Variants in LPP observed in about 807,000 individuals in gnomAD.
LPP encodes lipoma-preferred partner.
Under a neutral mutation model 60.4 loss-of-function variants are expected in LPP, and 38 were observed. The ratio of observed to expected loss-of-function variants is 0.63; its 90% CI spans 0.49 to 0.83. The LOEUF (loss-of-function observed/expected upper bound fraction) is 0.83. Among genes scored for constraint, LPP ranks in the 40% least tolerant of loss-of-function variants. LPP has a pLI of 0.00. For missense variants in LPP, 902 were observed against 783.6 expected (o/e 1.15, Z -1.80); for synonymous variants, 328 against 290.8 (o/e 1.13, Z -1.30).
chr3:188,343,181 A>G (rs1296183096), intron 3 of LPP, among the ~76,000 whole-genome samples: 2 of 151,884 alleles, frequency 1.3e-5, no homozygotes, highest in Non-Finnish European at 2.9e-5. Context: ...CCACCCATCA[A>G]CGGGCCCCGA....
chr3:188,281,950 A>G (rs1742233498), intron 2 of LPP, among the ~76,000 whole-genome samples: 1 of 152,176 alleles, frequency 6.6e-6, no homozygotes, highest in Non-Finnish European at 1.5e-5. Context: ...TCATTCTTAT[A>G]GGCAGAGGGA....
intron 3 of LPP, among the ~76,000 whole-genome samples, chr3:188,361,873 A>G (rs1289962797): frequency 6.6e-6 from 1 of 152,080 alleles, no homozygotes; most frequent in Non-Finnish European, 1.5e-5. Context: ...TAGCCCCTCT[A>G]GGTTTTCTTA....
chr3:188,176,298 G>GCTTT (rs1182356502), intron 1 of LPP, among the ~76,000 whole-genome samples: 1 of 151,932 alleles, frequency 6.6e-6, no homozygotes, highest in African/African-American at 2.4e-5. Context: ...GGGATTTCTT[G>GCTTT]CTTTCTTTCT....
chr3:188,440,590 TTAAG>T (rs1793537610), intron 4 of LPP, among the ~76,000 whole-genome samples: 1 of 152,146 alleles, frequency 6.6e-6, no homozygotes, highest in Admixed American at 6.5e-5. Context: ...TGACAAAACA[TTAAG>T]TAAAAATTAT....
At chr3:188,398,581 C>T (rs1781509338) in intron 3 of LPP, among the ~76,000 whole-genome samples, 1 of 152,224 alleles carries the variant, frequency 6.6e-6, no homozygotes, top group African/African-American at 2.4e-5. Context: ...ATTTTCAGCC[C>T]ATGGTAGATC....
chr3:188,872,514 T>A lies in LPP; in HGVS notation c.1590-129T>A, dbSNP rs940102503. The stretch of plus-strand genomic sequence containing the variant: ...GAAGAACCTCCACAGTCCCTGAGTC[T>A]AACTCCCTCACCTTACGGATGAGGA... On this transcript the variant is annotated intron_variant, in intron 10 of 11. Coordinates refer to ENST00000617246, the MANE Select transcript of LPP (RefSeq NM_001375462.1). 9 of 977,374 alleles carry A rather than the reference T, an allele frequency of 9.2e-6. No individual in the cohort carries two copies. In the African/African-American group the frequency reaches 1.1e-4, roughly 12 times the overall value. The allele number at this position is 977,374 out of a possible 1,614,324, so 60.5% of individuals were successfully genotyped here.
intron 9 of LPP, among the ~76,000 whole-genome samples, chr3:188,838,552 A>G (rs1449484679): frequency 6.6e-6 from 1 of 152,232 alleles, no homozygotes; most frequent in East Asian, 1.9e-4. Flanking sequence ...GCTCCATTTC[A>G]TACTCTGATT....
At chr3:188,492,712 C>T (rs1481788834) in intron 5 of LPP, among the ~76,000 whole-genome samples, 3 of 152,128 alleles carry the variant, frequency 2.0e-5, no homozygotes, top group Non-Finnish European at 2.9e-5. Context: ...AACAAACAAA[C>T]AAAAACAGTA....
chr3:188,640,719 T>A (rs1042728491), intron 7 of LPP, among the ~76,000 whole-genome samples: 2 of 146,930 alleles, frequency 1.4e-5, no homozygotes, highest in Admixed American at 6.8e-5. Context: ...TCTTTTGGAA[T>A]TTTTTTTTTT....
chr3:188,162,346 C>G lies in LPP; in HGVS notation c.-190+8094C>G, dbSNP rs552241580. Among the ~76,000 whole-genome samples, 19 of 152,330 alleles carry G rather than the reference C, an allele frequency of 1.2e-4. No individual in the cohort carries two copies. In the South Asian group the frequency reaches 1.7e-3, roughly 13 times the overall value. On this transcript the variant is annotated intron_variant, in intron 1 of 11. Coordinates refer to ENST00000617246, the MANE Select transcript of LPP (RefSeq NM_001375462.1). ...CAGAGTGAGAATCAAACCCCCCTCT[C>G]CAAAACTCCTGTCTTGTTCCTTAAC...
intron 2 of LPP, among the ~76,000 whole-genome samples, chr3:188,302,978 A>T (rs1406057726): frequency 2.0e-5 from 3 of 152,156 alleles, no homozygotes. Flanking sequence ...CTGCCAAAGG[A>T]CTTGTCTTAT....
chr3:188,296,437 A>C (rs1387286620), intron 2 of LPP, among the ~76,000 whole-genome samples: 1 of 152,186 alleles, frequency 6.6e-6, no homozygotes, highest in African/African-American at 2.4e-5. Flanking sequence ...GAGTGTGAGC[A>C]AAAGCAGAGG....
In LPP at chr3:188,160,258, G is replaced by A. The variant is rs541405921; in HGVS notation, c.-190+6006G>A. On this transcript the variant is annotated intron_variant, in intron 1 of 11. Coordinates refer to ENST00000617246, the MANE Select transcript of LPP (RefSeq NM_001375462.1). ...TGCCCAGGCTGTAGTGCAATGGCCC[G>A]ATCTCGGCTCACTGCAACCTCCGCC... 6.1e-5 allele frequency among the ~76,000 whole-genome samples: 9 copies of A among 148,640 alleles called. No homozygotes were observed. In the East Asian group the frequency reaches 1.2e-3, roughly 20 times the overall value.
chr3:188,419,001 T>C (rs1787076298), intron 4 of LPP, among the ~76,000 whole-genome samples: 1 of 152,194 alleles, frequency 6.6e-6, no homozygotes, highest in African/African-American at 2.4e-5. Flanking sequence ...AATGTTGTAA[T>C]GACTTGGGTT....
Position 188,803,044 on chromosome 3 carries a change from G to GTTT in LPP, c.1410+42762_1410+42763insTTT, listed in dbSNP as rs1560224621. Among the ~76,000 whole-genome samples, 4 of 105,680 alleles carry GTTT rather than the reference G, an allele frequency of 3.8e-5. 1 individual carries two copies. Among genetic ancestry groups the GTTT allele is most frequent in the African/African-American group, 1.3e-4 (4 of 30,188 alleles). 69.3% of individuals were successfully genotyped at this position (105,680 alleles called of 152,430 possible). On this transcript the variant is annotated intron_variant, in intron 9 of 11. Transcript: ENST00000617246. ...AGATTAAAATACTTTTGTTGTATAT[G>GTTT]CTTTTTTTTTTTTTTTTTGAGACAG...
At chr3:188,484,296 A>G (rs1269659470) in intron 4 of LPP, among the ~76,000 whole-genome samples, 1 of 152,202 alleles carries the variant, frequency 6.6e-6, no homozygotes, top group Non-Finnish European at 1.5e-5. Flanking sequence ...ACCAAGGTGT[A>G]TAAAATTCAG....
At chr3:188,872,032 T>G (rs954175532) in intron 10 of LPP, among the ~76,000 whole-genome samples, 3 of 152,222 alleles carry the variant, frequency 2.0e-5, no homozygotes, top group African/African-American at 7.2e-5. Flanking sequence ...AAGCAAAAGT[T>G]TAACACAATA....
intron 7 of LPP, among the ~76,000 whole-genome samples, chr3:188,679,763 G>A (rs1202752660): frequency 2.0e-5 from 3 of 151,998 alleles, no homozygotes; most frequent in Non-Finnish European, 4.4e-5. Flanking sequence ...AAAATGCATG[G>A]CATATTTTTC....
At chr3:188,380,527 CA>C (rs1776593150) in intron 3 of LPP, among the ~76,000 whole-genome samples, 1 of 152,180 alleles carries the variant, frequency 6.6e-6, no homozygotes, top group South Asian at 2.1e-4. Flanking sequence ...AAATGGAAGA[CA>C]AAGCTATCCC....
Sources: gnomAD v4.1 joint callset for allele counts (sites outside exome capture counted in the v4.1 genomes callset) on GRCh38, gnomAD v4.1.1 for gene constraint, MANE v1.5 for transcripts, NCBI Gene and HGNC (gene_info 2026-07-23, HGNC 2026-07-21) for gene names.